TADA2A: variants seen among roughly 807,000 people sequenced by gnomAD.
The protein encoded by TADA2A is transcriptional adapter 2-alpha.
A neutral mutation model predicts 67.4 loss-of-function variants in TADA2A; 38 were observed. The observed-to-expected ratio is 0.56, with a 90% CI of 0.44 to 0.74. TADA2A has a LOEUF of 0.74. Ranked by LOEUF, TADA2A falls within the 30% of genes least tolerant of loss-of-function variation. The probability of loss-of-function intolerance (pLI) is 0.00; values close to 1 mark genes in which losing one functional copy is unlikely to be tolerated. For missense variants in TADA2A, 454 were observed against 547.0 expected, an observed-to-expected ratio of 0.83 and a Z score of 1.70; for synonymous variants, 192 against 181.6, an observed-to-expected ratio of 1.06 and a Z score of -0.46.
Position 37,467,135 on chromosome 17 carries a change from A to G in TADA2A, c.824-319A>G, listed in dbSNP as rs549916717. Among the ~76,000 whole-genome samples, 3 of 152,340 alleles carry G rather than the reference A, an allele frequency of 2.0e-5. No homozygotes were observed. In the South Asian group the frequency reaches 6.2e-4, roughly 32 times the overall value. On this transcript the variant is annotated intron_variant, in intron 11 of 15. Transcript: ENST00000615182. The stretch of plus-strand genomic sequence containing the variant: ...ATCATGCCATTGCAGCCTGGGCGAC[A>G]GAGCGAGACTCTGTCTCAAAAAAAG...
chr17:37,433,252 C>T (rs915819629), intron 4 of TADA2A, among the ~76,000 whole-genome samples: 15 of 152,072 alleles, frequency 9.9e-5, no homozygotes, highest in Non-Finnish European at 2.1e-4. Context: ...CGTGCCCAGC[C>T]ATTTTTGGGT....
intron 12 of TADA2A, among the ~76,000 whole-genome samples, chr17:37,467,946 G>A (rs747734913): frequency 3.3e-5 from 5 of 152,120 alleles, no homozygotes; most frequent in Non-Finnish European, 7.4e-5. Context: ...GCCAGGCGTT[G>A]TGGTGCACAC....
At chr17:37,416,677 C>G (rs1011181011) in intron 2 of TADA2A, among the ~76,000 whole-genome samples, 1 of 151,788 alleles carries the variant, frequency 6.6e-6, no homozygotes, top group African/African-American at 2.4e-5. Context: ...CCATCATGGC[C>G]AACATGGTGA....
chr17:37,419,183 C>G (rs949989583), intron 2 of TADA2A, among the ~76,000 whole-genome samples: 11 of 136,702 alleles, frequency 8.0e-5, no homozygotes, highest in African/African-American at 2.6e-4. Flanking sequence ...TTTTTTTTTT[C>G]TTTTTGAGAG....
At chr17:37,452,076 TACTG>T (rs2053249497) in intron 8 of TADA2A, among the ~76,000 whole-genome samples, 2 of 152,104 alleles carry the variant, frequency 1.3e-5, no homozygotes, top group African/African-American at 4.8e-5. Context: ...AAATTCATCT[TACTG>T]AGTAGATAAA....
At chr17:37,439,777 G>A (rs1389516414) in intron 5 of TADA2A, among the ~76,000 whole-genome samples, 6 of 151,938 alleles carry the variant, frequency 3.9e-5, no homozygotes, top group Non-Finnish European at 7.4e-5. Flanking sequence ...TTGGTAAACC[G>A]TAAAATATTA....
intron 14 of TADA2A, among the ~76,000 whole-genome samples, chr17:37,473,151 T>TC (rs2053826695): frequency 6.7e-6 from 1 of 149,484 alleles, no homozygotes; most frequent in Non-Finnish European, 1.5e-5. Context: ...TTTTTTTTTT[T>TC]TGGTAGAAAC....
intron 8 of TADA2A, among the ~76,000 whole-genome samples, chr17:37,449,686 C>T (rs531189459): frequency 6.7e-6 from 1 of 150,344 alleles, no homozygotes; most frequent in South Asian, 2.1e-4. Context: ...GTGGCACAAT[C>T]ATGGCTCACT....
In TADA2A at chr17:37,478,935, CAT is replaced by C. The variant is rs2053939332; in HGVS notation, c.*1956_*1957del. ...AAATGACCTGTTTTCCTTGTAAAAT[CAT>C]ATCTCGTAGAAAACATTTTACCACT... On this transcript the variant is annotated 3_prime_UTR_variant, in exon 16 of 16. Transcript: ENST00000615182. The C allele has an allele frequency of 6.6e-6, 1 of 152,168 alleles. No individual in the cohort carries two copies. The allele number at this position is 152,168 out of a possible 1,614,324, so 9.4% of individuals were successfully genotyped here.
chr17:37,454,953 A>T (rs2053344371), intron 8 of TADA2A: 1 of 185,504 alleles, frequency 5.4e-6, no homozygotes, highest in African/African-American at 2.4e-5. Flanking sequence ...GGCAGATCAG[A>T]TTCTTAAAGA....
At chr17:37,463,024 G>A (rs1323355797) in intron 10 of TADA2A, among the ~76,000 whole-genome samples, 1 of 152,110 alleles carries the variant, frequency 6.6e-6, no homozygotes, top group Non-Finnish European at 1.5e-5. Flanking sequence ...CCAGGATGGA[G>A]TGCAGTGGTG....
At chr17:37,440,726 G>T in intron 6 of TADA2A, 64 bp downstream of exon 6, 1 of 1,571,438 alleles carries the variant, frequency 6.4e-7, no homozygotes, top group South Asian at 1.1e-5. Context: ...TTCAGTAGCA[G>T]ATAAAGAGTG....
At chr17:37,412,524 G>A (rs564501818) in intron 2 of TADA2A, among the ~76,000 whole-genome samples, 27 of 152,220 alleles carry the variant, frequency 1.8e-4, no homozygotes, top group Admixed American at 3.9e-4. Context: ...CATGGCTCAC[G>A]CCTGTAATCC....
At chr17:37,445,756 T>G (rs546484868) in intron 8 of TADA2A, among the ~76,000 whole-genome samples, 1 of 152,238 alleles carries the variant, frequency 6.6e-6, no homozygotes, top group East Asian at 1.9e-4. Context: ...TAATACCCAA[T>G]ACTTTTTTTT....
intron 4 of TADA2A, chr17:37,436,434 A>G (rs1176900346): frequency 6.6e-6 from 1 of 152,142 alleles, no homozygotes; most frequent in Non-Finnish European, 1.5e-5. Flanking sequence ...ATCTCGGCTC[A>G]CTGCAGCCTC....
intron 6 of TADA2A, among the ~76,000 whole-genome samples, chr17:37,442,198 C>CTTTTTTTTTTTTT (rs760306260): frequency 2.1e-4 from 16 of 75,394 alleles, no homozygotes; most frequent in South Asian, 4.3e-4. Context: ...TTTTTCCCGT[C>CTTTTTTTTTTTTT]TTTTTTTTTT....
chr17:37,465,691 A>G, intron 11 of TADA2A, 150 bp downstream of exon 11: 1 of 1,429,926 alleles, frequency 7.0e-7, no homozygotes, highest in Admixed American at 2.2e-5. Context: ...CAAATTTGGG[A>G]CTATGGGGGT....
At position 37,420,716 on chromosome 17, in the gene TADA2A, A is replaced by G. The variant is rs559907453; in HGVS notation, c.26-2793A>G. Reference sequence around the variant, plus strand: ...TCTCTCTATCTTCTTAAAAACAAATAAAGAGAACAGTGATCTTCACTTGGA... The same window carrying G: ...TCTCTCTATCTTCTTAAAAACAAATGAAGAGAACAGTGATCTTCACTTGGA... On this transcript the variant is annotated intron_variant, in intron 2 of 15. Transcript: ENST00000615182. 5.8e-4 allele frequency among the ~76,000 whole-genome samples: 85 copies of G among 146,738 alleles called. 7 individuals are homozygous for G. Among genetic ancestry groups the G allele is most frequent in the Non-Finnish European group, 1.0e-3 (66 of 65,658 alleles).
chr17:37,437,020 G>C (rs557119837), intron 4 of TADA2A, among the ~76,000 whole-genome samples: 4 of 151,686 alleles, frequency 2.6e-5, no homozygotes, highest in African/African-American at 9.7e-5. Context: ...ATGTACCCTG[G>C]GTATCTCTCA....
Sources: allele counts gnomAD v4.1 joint callset (sites outside exome capture counted in the v4.1 genomes callset), GRCh38; gene constraint gnomAD v4.1.1; transcripts MANE v1.5; gene names NCBI Gene and HGNC (gene_info 2026-07-23, HGNC 2026-07-21).